The following BZW1 variants were observed in gnomAD, a reference collection of about 807,000 sequenced individuals.
BZW1 encodes eIF5-mimic protein 2.
Under a neutral mutation model 54.1 loss-of-function variants are expected in BZW1, and 3 were observed. That is an observed-to-expected ratio of 0.06 (90% confidence interval 0.03 to 0.14). BZW1 has a LOEUF of 0.14. BZW1 is among the 10% of genes least tolerant of loss of function. BZW1 has a pLI of 1.00. For missense variants in BZW1, 206 were observed against 491.7 expected (o/e 0.42, Z 5.50); for synonymous variants, 152 against 162.7 (o/e 0.93, Z 0.50).
Position 200,815,340 on chromosome 2 carries a change from G to T in BZW1, c.65-1G>T, listed in dbSNP as rs751926132. On this transcript the variant is annotated splice_acceptor_variant, in intron 2 of 11. Coordinates refer to ENST00000409600, the MANE Select transcript of BZW1 (RefSeq NM_001207067.2). LOFTEE classifies it high-confidence loss of function. Reference sequence around the variant, plus strand: ...ATGTTTTGGGTCCCTTGTCCCCCCAGATGAAAAAGAGAGGTTTGACCCTAC... The same window carrying T: ...ATGTTTTGGGTCCCTTGTCCCCCCATATGAAAAAGAGAGGTTTGACCCTAC... 1 of 1,589,448 alleles carries T rather than the reference G, an allele frequency of 6.3e-7. No individual in the cohort carries two copies. The highest frequency in any genetic ancestry group is 8.6e-7 in the Non-Finnish European group (1 of 1,166,856).
rs552331553 is a variant in BZW1, at chr2:200,812,626, G to C, written c.-10-582G>C. ...GTGGATTGGGAGACACGTTACCGGG[G>C]AGGAGGCTAGGACTGTGGGATATGG... On this transcript the variant is annotated intron_variant, in intron 1 of 11. Transcript: ENST00000409600. 3.0e-6 allele frequency: 4 copies of C among 1,312,270 alleles called. No homozygotes were observed. The African/African-American group carries it at 6.0e-5, about 20-fold the overall frequency. The allele number at this position is 1,312,270 out of a possible 1,614,324, so 81.3% of individuals were successfully genotyped here.
chr2:200,812,353 C>CCCA lies in BZW1; in HGVS notation c.-11+369_-11+371dup. ...GGCGGGCGGGGCGGAGGGGCTGCCA[C>CCCA]CCACCACCGCTGCGGCCGCCGCCTC... On this transcript the variant is annotated intron_variant, in intron 1 of 11. Coordinates refer to ENST00000409600, the MANE Select transcript of BZW1 (RefSeq NM_001207067.2). The CCCA allele has an allele frequency of 2.3e-6, 3 of 1,276,754 alleles. 1 individual carries two copies. In the South Asian group the frequency reaches 8.3e-5, roughly 35 times the overall value. The allele number at this position is 1,276,754 out of a possible 1,614,324, so 79.1% of individuals were successfully genotyped here.
intron 4 of BZW1, 118 bp downstream of exon 4, chr2:200,815,879 T>C: frequency 9.9e-7 from 1 of 1,015,190 alleles, no homozygotes; most frequent in South Asian, 1.8e-5. Context: ...TTTTAAATTT[T>C]AGGGATACTG....
rs1461869506 is a variant in BZW1 at position 200,822,203 on chromosome 2, A to G, written c.*25A>G. On this transcript the variant is annotated 3_prime_UTR_variant, in exon 12 of 12. Transcript: ENST00000409600. ...AATTTTGAAACTACACCCTCAGTAAAGCAAACAGGAGTTGTAGATAAAATG... is the reference window on the plus strand; with the variant it reads ...AATTTTGAAACTACACCCTCAGTAAGGCAAACAGGAGTTGTAGATAAAATG... 6.4e-7 allele frequency: 1 copy of G among 1,554,084 alleles called. No homozygotes were observed. Among genetic ancestry groups the G allele is most frequent in the Non-Finnish European group, 8.8e-7 (1 of 1,134,340 alleles).
chr2:200,812,484 A>G, intron 1 of BZW1: 1 of 1,337,164 alleles, frequency 7.5e-7, no homozygotes, highest in Non-Finnish European at 9.6e-7. Flanking sequence ...CCGCCACCGC[A>G]GGCGACAGGG....
rs1443476436 is a variant in BZW1, at chr2:200,825,096, ACT to A, written c.*2921_*2922del. ...TTGTTTTTGTTTTGGAGACAGTCTC[ACT>A]CTGTTACCTGGGCTGGAGTGCAATG... On this transcript the variant is annotated 3_prime_UTR_variant, in exon 12 of 12. Transcript: ENST00000409600. 2 of 151,506 alleles carry A rather than the reference ACT, an allele frequency of 1.3e-5. No individual in the cohort carries two copies. The highest frequency in any genetic ancestry group is 4.9e-5 in the African/African-American group (2 of 41,030). 9.4% of individuals were successfully genotyped at this position (151,506 alleles called of 1,614,324 possible). A position where few individuals can be genotyped will look rare whatever the true frequency, so the allele number is the denominator to read the frequency against.
At chr2:200,819,887 ATGAGT>A (rs2038444775) in intron 9 of BZW1, 90 bp from the exon 10 acceptor site, 3 of 1,122,770 alleles carry the variant, frequency 2.7e-6, no homozygotes, top group Middle Eastern at 3.3e-4. Flanking sequence ...ATTATAAAAG[ATGAGT>A]TAAGTTCTAT....
At chr2:200,815,796 C>T in intron 4 of BZW1, 35 bp downstream of exon 4, 1 of 1,475,814 alleles carries the variant, frequency 6.8e-7, no homozygotes, top group Non-Finnish European at 9.1e-7. Context: ...TTTCAGTTGG[C>T]TACTATCCAT....
chr2:200,826,399 AGATAGATATTTTTTTTTTTT>A lies in BZW1; in HGVS notation c.*4222_*4241del, dbSNP rs2038696422. On this transcript the variant is annotated 3_prime_UTR_variant, in exon 12 of 12. Transcript: ENST00000409600. ...TAGATAGATAGATAGATAGATAGAT[AGATAGATATTTTTTTTTTTT>A]TTTTTTTTTTTTTTTTTTTTTTTGA... 1 of 62,108 alleles carries A rather than the reference AGATAGATATTTTTTTTTTTT, an allele frequency of 1.6e-5. No individual in the cohort carries two copies. The highest frequency in any genetic ancestry group is 6.2e-5 in the African/African-American group (1 of 16,132). The allele number at this position is 62,108 out of a possible 1,614,324, so 3.8% of individuals were successfully genotyped here.
rs762220309 is a variant in BZW1 at position 200,815,641 on chromosome 2, T to C, written c.242-26T>C. On this transcript the variant is annotated intron_variant, in intron 3 of 11. Transcript: ENST00000409600. ...AATGGAGTGATTTTTTTGGTTTTGTTGTATTTTGGTTTTATCCAACTTTAG... is the reference window on the plus strand; with the variant it reads ...AATGGAGTGATTTTTTTGGTTTTGTCGTATTTTGGTTTTATCCAACTTTAG... The C allele has an allele frequency of 2.3e-5, 37 of 1,584,204 alleles. No homozygotes were observed. In the East Asian group the frequency reaches 8.5e-4, roughly 36 times the overall value.
chr2:200,817,908 A>G, intron 6 of BZW1, 66 bp from the exon 7 acceptor site: 1 of 1,120,142 alleles, frequency 8.9e-7, no homozygotes, highest in African/African-American at 1.6e-5. Context: ...AGGGAAGGAT[A>G]TAGGGGGACA....
At chr2:200,816,974 C>G in intron 5 of BZW1, 132 bp from the exon 6 acceptor site, 6 of 1,073,084 alleles carry the variant, frequency 5.6e-6, no homozygotes, top group Non-Finnish European at 7.9e-6. Context: ...AGTATTGTAA[C>G]TTAGATGTAA....
intron 11 of BZW1, 30 bp downstream of exon 11, chr2:200,821,335 G>A: frequency 6.2e-7 from 1 of 1,609,766 alleles, no homozygotes; most frequent in Non-Finnish European, 8.5e-7. Flanking sequence ...TGGTTTGTTT[G>A]GTAAAGCTAA....
At chr2:200,817,860 G>A in intron 6 of BZW1, 114 bp from the exon 7 acceptor site, 1 of 711,340 alleles carries the variant, frequency 1.4e-6, no homozygotes, top group Non-Finnish European at 2.3e-6. Context: ...GGTTAAGTTT[G>A]TGAGGAAAGT....
rs2038723396 is a variant in BZW1 at position 200,827,162 on chromosome 2, A to C, written c.*4984A>C. On this transcript the variant is annotated 3_prime_UTR_variant, in exon 12 of 12. Transcript: ENST00000409600. ...CAGGACGGCACACAGAATGGAGAAA[A>C]CTGGATAGCTGGTAACTCATTTAGC... 1 of 152,180 alleles carries C rather than the reference A, an allele frequency of 6.6e-6. No homozygotes were observed. The highest frequency in any genetic ancestry group is 2.1e-4 in the South Asian group (1 of 4,826). 9.4% of individuals were successfully genotyped at this position (152,180 alleles called of 1,614,324 possible). A position where few individuals can be genotyped will look rare whatever the true frequency, so the allele number is the denominator to read the frequency against.
At chr2:200,812,428 C>T in intron 1 of BZW1, 1 of 1,286,590 alleles carries the variant, frequency 7.8e-7, no homozygotes, top group Non-Finnish European at 9.8e-7. Context: ...CGCCTGGGGC[C>T]CCGGCGCAAA....
Position 200,818,383 on chromosome 2 carries a change from C to T in BZW1, c.809C>T (p.Pro270Leu), listed in dbSNP as rs1403619808. Residue 270 changes from proline to leucine, a missense_variant, in exon 8 of 12, where the codon CCA becomes CTA. Coordinates refer to ENST00000409600, the MANE Select transcript of BZW1 (RefSeq NM_001207067.2). ...CAAGAACAGATGTCCCGTGGTGATC[C>T]ATTTAAGGATGTAAGTTTTTGTTTA... ...ELQEQMSRGD[P>L]FKDIILYVKE... 2 of 1,597,758 alleles carry T rather than the reference C, an allele frequency of 1.3e-6. No individual in the cohort carries two copies. The highest frequency in any genetic ancestry group is 2.3e-5 in the South Asian group (2 of 87,764).
intron 5 of BZW1, 21 bp downstream of exon 5, chr2:200,816,411 T>C (rs773650992): frequency 4.7e-6 from 7 of 1,489,448 alleles, no homozygotes; most frequent in Non-Finnish European, 6.4e-6. Flanking sequence ...TAATGTACTT[T>C]GTGGAAAAGA....
Position 200,826,685 on chromosome 2 carries a change from GCT to G in BZW1, c.*4510_*4511del, listed in dbSNP as rs1316048924. On this transcript the variant is annotated 3_prime_UTR_variant, in exon 12 of 12. Coordinates refer to ENST00000409600, the MANE Select transcript of BZW1 (RefSeq NM_001207067.2). Reference sequence around the variant, plus strand: ...AACTGCTTGTGGCAACTACTATAGTGCTCTAGTGGGGACAGTGGTTAAAATCT... The same window carrying G: ...AACTGCTTGTGGCAACTACTATAGTGCTAGTGGGGACAGTGGTTAAAATCT... 2 of 50,178 alleles carry G rather than the reference GCT, an allele frequency of 4.0e-5. No individual in the cohort carries two copies. The highest frequency in any genetic ancestry group is 1.2e-4 in the Non-Finnish European group (2 of 16,550). The allele number at this position is 50,178 out of a possible 1,614,324, so 3.1% of individuals were successfully genotyped here.
Sources: gnomAD v4.1 joint callset for allele counts on GRCh38, gnomAD v4.1.1 for gene constraint, MANE v1.5 for transcripts, NCBI Gene and HGNC (gene_info 2026-07-23, HGNC 2026-07-21) for gene names.